ZSWIM6: variants seen among roughly 807,000 people sequenced by gnomAD.
ZSWIM6 encodes the protein zinc finger SWIM domain-containing protein 6.
ZSWIM6 carries 9 observed loss-of-function variants against 113.2 expected under a neutral mutation model. The observed-to-expected ratio is 0.08, with a 90% CI of 0.05 to 0.14. The LOEUF is 0.14. Among genes scored for constraint, ZSWIM6 ranks in the 10% least tolerant of loss-of-function variants. The pLI is 1.00. For synonymous variants in ZSWIM6, 611 were observed against 606.5 expected (o/e 1.01, Z -0.11); for missense variants, 1,162 against 1,552.2 (o/e 0.75, Z 4.22).
At chr5:61,515,943 C>T (rs898956241) in intron 4 of ZSWIM6, among the ~76,000 whole-genome samples, 4 of 151,910 alleles carry the variant, frequency 2.6e-5, no homozygotes, top group Admixed American at 2.6e-4. Context: ...ATTCCTTGTT[C>T]TAAAGTTGGC....
At chr5:61,420,920 T>TC (rs989919330) in intron 1 of ZSWIM6, among the ~76,000 whole-genome samples, 22 of 151,792 alleles carry the variant, frequency 1.4e-4, no homozygotes, top group South Asian at 2.1e-4. Flanking sequence ...CGTTCTATTT[T>TC]TTTTTTTTCC....
chr5:61,359,557 C>T (rs1744987776), intron 1 of ZSWIM6, among the ~76,000 whole-genome samples: 1 of 152,132 alleles, frequency 6.6e-6, no homozygotes, highest in Admixed American at 6.5e-5. Context: ...AAGAGGGAAC[C>T]CGCAGATTTT....
intron 1 of ZSWIM6, among the ~76,000 whole-genome samples, chr5:61,470,630 A>C (rs1286164410): frequency 6.6e-6 from 1 of 152,098 alleles, no homozygotes; most frequent in African/African-American, 2.4e-5. Context: ...TTTCAGAAAA[A>C]GTTGTTGATT....
At chr5:61,347,641 G>GA (rs1006235903) in intron 1 of ZSWIM6, 2 of 152,232 alleles carry the variant, frequency 1.3e-5, no homozygotes, top group African/African-American at 4.8e-5. Context: ...GCGTGCTTAT[G>GA]AAAATCCAGG....
intron 1 of ZSWIM6, among the ~76,000 whole-genome samples, chr5:61,341,197 C>T (rs1320281689): frequency 6.6e-6 from 1 of 151,816 alleles, no homozygotes; most frequent in Non-Finnish European, 1.5e-5. Flanking sequence ...CTAAATGGCC[C>T]CAGTCTGAAT....
intron 1 of ZSWIM6, among the ~76,000 whole-genome samples, chr5:61,415,389 T>G (rs1746226398): frequency 6.6e-6 from 1 of 152,120 alleles, no homozygotes; most frequent in African/African-American, 2.4e-5. Flanking sequence ...GGTCAGGAGA[T>G]CGAGGCCATC....
At chr5:61,521,470 A>G in intron 5 of ZSWIM6, 28 bp downstream of exon 5, 1 of 1,405,574 alleles carries the variant, frequency 7.1e-7, no homozygotes, top group East Asian at 2.9e-5. Flanking sequence ...TTCTGCTTAA[A>G]TTGTAGCTAC....
intron 1 of ZSWIM6, among the ~76,000 whole-genome samples, chr5:61,418,387 C>T (rs528270449): frequency 2.6e-5 from 4 of 151,994 alleles, no homozygotes; most frequent in African/African-American, 7.3e-5. Flanking sequence ...CCTGCCTCAG[C>T]GTCCGAAGTA....
At chr5:61,446,844 G>GCA (rs888756797) in intron 1 of ZSWIM6, among the ~76,000 whole-genome samples, 1 of 151,738 alleles carries the variant, frequency 6.6e-6, no homozygotes, top group African/African-American at 2.4e-5. Context: ...ACATGTACAC[G>GCA]CACACACACA....
intron 3 of ZSWIM6, among the ~76,000 whole-genome samples, chr5:61,492,732 G>A (rs891622455): frequency 6.6e-6 from 1 of 152,052 alleles, no homozygotes; most frequent in Non-Finnish European, 1.5e-5. Context: ...TGTGATTCAG[G>A]GTAGAAGTGC....
At chr5:61,524,161 T>C (rs987161846) in intron 5 of ZSWIM6, among the ~76,000 whole-genome samples, 3 of 152,246 alleles carry the variant, frequency 2.0e-5, no homozygotes, top group African/African-American at 7.2e-5. Flanking sequence ...AAACATTTGA[T>C]CAATTGACTG....
intron 1 of ZSWIM6, among the ~76,000 whole-genome samples, chr5:61,431,372 C>CAAAA (rs397881994): frequency 4.5e-5 from 2 of 44,536 alleles, no homozygotes; most frequent in African/African-American, 1.1e-4. Context: ...ACTCCATCTC[C>CAAAA]AAAAAAAAAA....
At chr5:61,375,537 T>G in intron 1 of ZSWIM6, 8 of 1,550,704 alleles carry the variant, frequency 5.2e-6, no homozygotes, top group Non-Finnish European at 6.1e-6. Context: ...CACATAAATC[T>G]TCTGAAAGCT....
intron 1 of ZSWIM6, among the ~76,000 whole-genome samples, chr5:61,410,350 G>T (rs1213968973): frequency 3.0e-5 from 4 of 131,360 alleles, no homozygotes; most frequent in Non-Finnish European, 6.3e-5. Context: ...TCACTCTGTT[G>T]CCAGGCTGGA....
At chr5:61,412,847 G>A (rs1206574930) in intron 1 of ZSWIM6, among the ~76,000 whole-genome samples, 1 of 151,920 alleles carries the variant, frequency 6.6e-6, no homozygotes, top group African/African-American at 2.4e-5. Flanking sequence ...TTTATTTTCT[G>A]TTCTCATTCA....
chr5:61,465,356 A>G (rs1022811797), intron 1 of ZSWIM6, among the ~76,000 whole-genome samples: 1 of 151,630 alleles, frequency 6.6e-6, no homozygotes, highest in African/African-American at 2.4e-5. Flanking sequence ...GTTGATAGTA[A>G]TTTGTTGTTG....
chr5:61,532,547 C>T (rs1375791307), intron 9 of ZSWIM6, among the ~76,000 whole-genome samples: 4 of 152,138 alleles, frequency 2.6e-5, no homozygotes, highest in African/African-American at 9.7e-5. Context: ...ATCTTATGTT[C>T]AGAACTACTA....
At position 61,490,872 on chromosome 5, in the gene ZSWIM6, C is replaced by G. The variant is rs1161781784; in HGVS notation, c.1120C>G (p.Leu374Val). Residue 374 changes from leucine (L) to valine (V), a missense_variant, in exon 3 of 14, where the codon CTG (leucine) becomes GTG (valine). Around this residue, in one of 4 missense-constraint regions of ZSWIM6, gnomAD observed 96 missense variants for 240.3 expected, o/e 0.40. Transcript: ENST00000252744. The stretch of plus-strand genomic sequence containing the variant: ...AGAGCAGGTTCAAGAACAGGTTAAA[C>G]TGTTCCTTTCCCAGGGCGGGTACCA... ...DEEQVQEQVK[L>V]FLSQGGYHGS... is the part of the protein sequence containing the mutation. 1.3e-6 allele frequency: 2 copies of G among 1,544,652 alleles called. No homozygotes were observed. Among genetic ancestry groups the G allele is most frequent in the Non-Finnish European group, 1.7e-6 (2 of 1,144,640 alleles).
intron 1 of ZSWIM6, among the ~76,000 whole-genome samples, chr5:61,413,226 T>C (rs1334917227): frequency 7.4e-6 from 1 of 135,380 alleles, no homozygotes; most frequent in Non-Finnish European, 1.5e-5. Flanking sequence ...CCTGTGTCCA[T>C]GTGTTCTCAT....
Sources: allele counts gnomAD v4.1 joint callset (sites outside exome capture counted in the v4.1 genomes callset), GRCh38; gene constraint gnomAD v4.1.1; regional missense constraint gnomAD v4.1.1; transcripts MANE v1.5; gene names NCBI Gene and HGNC (gene_info 2026-07-23, HGNC 2026-07-21).